Variants in PLEKHD1 observed in about 807,000 individuals in gnomAD.
PLEKHD1 encodes pleckstrin homology domain-containing family D member 1.
PLEKHD1 carries 51 observed loss-of-function variants against 69.2 expected under a neutral mutation model. The observed-to-expected ratio is 0.74, with a 90% CI of 0.59 to 0.93. The LOEUF is 0.93. Among genes scored for constraint, PLEKHD1 ranks in the 40% least tolerant of loss-of-function variants. The probability of loss-of-function intolerance (pLI) is 0.00; values close to 1 mark genes in which losing one functional copy is unlikely to be tolerated. For missense variants in PLEKHD1, 584 were observed against 641.0 expected, an observed-to-expected ratio of 0.91 and a Z score of 0.96; for synonymous variants, 236 against 244.7, an observed-to-expected ratio of 0.96 and a Z score of 0.33.
rs561827841 is a variant in PLEKHD1, at chr14:69,528,475, G to C, written c.*56G>C. 1.1e-5 allele frequency: 16 copies of C among 1,519,056 alleles called. No homozygotes were observed. In the South Asian group the frequency reaches 1.5e-4, roughly 14 times the overall value. 94.1% of individuals were successfully genotyped at this position (1,519,056 alleles called of 1,614,324 possible). A position where few individuals can be genotyped will look rare whatever the true frequency, so the allele number is the denominator to read the frequency against. Reference sequence around the variant, plus strand: ...CCCTGGATGGGCGGGGGAGGGGAAGGGGTGGCAGAGGGAGGCCTCACTCTA... The same window carrying C: ...CCCTGGATGGGCGGGGGAGGGGAAGCGGTGGCAGAGGGAGGCCTCACTCTA... On this transcript the variant is annotated 3_prime_UTR_variant, in exon 13 of 13. Transcript: ENST00000322564.
At chr14:69,528,182 TG>T in intron 12 of PLEKHD1, 67 bp from the exon 13 acceptor site, 1 of 1,526,712 alleles carries the variant, frequency 6.6e-7, no homozygotes, top group Non-Finnish European at 8.9e-7. Flanking sequence ...GGCATGAGGC[TG>T]GGGACAGGGC....
intron 1 of PLEKHD1, among the ~76,000 whole-genome samples, chr14:69,493,111 T>G (rs1169254871): frequency 1.3e-5 from 2 of 152,356 alleles, no homozygotes; most frequent in East Asian, 3.9e-4. Context: ...ACACTCTTTC[T>G]CCTGCTTTTG....
chr14:69,478,679 C>G, the PLEKHD1 span, among the ~76,000 whole-genome samples: 1 of 152,204 alleles, frequency 6.6e-6, no homozygotes. Flanking sequence ...CACCTTTGCT[C>G]CAGTTCCCAA....
At chr14:69,494,678 C>T (rs117727161) in intron 1 of PLEKHD1, among the ~76,000 whole-genome samples, 3,788 of 152,296 alleles carry the variant, frequency 0.025, 102 homozygotes, top group South Asian at 0.14. Context: ...AGACCAACTG[C>T]GCAGGGCCTG....
intron 6 of PLEKHD1, among the ~76,000 whole-genome samples, chr14:69,505,525 A>G (rs1883130888): frequency 6.6e-6 from 1 of 152,178 alleles, no homozygotes; most frequent in African/African-American, 2.4e-5. Context: ...GACTGAAGAT[A>G]TGGAACCAGG....
chr14:69,503,317 C>T (rs1057309679), intron 6 of PLEKHD1: 1 of 216,492 alleles, frequency 4.6e-6, no homozygotes, highest in African/African-American at 2.3e-5. Flanking sequence ...TAAGCACTGG[C>T]TTGAGGCAGA....
In PLEKHD1 at chr14:69,522,273, G is replaced by A; in HGVS notation, c.556-10G>A. 1 of 1,550,988 alleles carries A rather than the reference G, an allele frequency of 6.4e-7. No homozygotes were observed. Among genetic ancestry groups the A allele is most frequent in the African/African-American group, 1.4e-5 (1 of 73,116 alleles). ...CCTGTGACTCTTCTCTTCCTCTCTG[G>A]TCTCTTCAGGAGCTTGAGCGCCTTA... On this transcript the variant is annotated splice_polypyrimidine_tract_variant and intron_variant, in intron 6 of 12. Transcript: ENST00000322564.
chr14:69,512,180 TAG>T (rs1883285698), intron 6 of PLEKHD1, among the ~76,000 whole-genome samples: 1 of 152,230 alleles, frequency 6.6e-6, no homozygotes, highest in Admixed American at 6.5e-5. Context: ...TTTATTGGCA[TAG>T]AGTTATTCAT....
At chr14:69,527,151 C>T (rs1376741245) in intron 10 of PLEKHD1, 37 bp from the exon 11 acceptor site, 2 of 1,501,180 alleles carry the variant, frequency 1.3e-6, no homozygotes, top group Non-Finnish European at 1.8e-6. Context: ...ACTTCCAGGA[C>T]CTGACTTCCT....
chr14:69,508,774 G>T (rs1053285475), intron 6 of PLEKHD1, among the ~76,000 whole-genome samples: 1 of 152,178 alleles, frequency 6.6e-6, no homozygotes, highest in Non-Finnish European at 1.5e-5. Context: ...GAAAGTGGGG[G>T]TGATTATCGG....
chr14:69,513,708 A>G (rs1314620537), intron 6 of PLEKHD1, among the ~76,000 whole-genome samples: 1 of 152,192 alleles, frequency 6.6e-6, no homozygotes, highest in Non-Finnish European at 1.5e-5. Flanking sequence ...TTCCTTATGT[A>G]GATATGAGTT....
At chr14:69,518,336 C>T (rs924999541) in intron 6 of PLEKHD1, among the ~76,000 whole-genome samples, 1 of 152,266 alleles carries the variant, frequency 6.6e-6, no homozygotes, top group East Asian at 1.9e-4. Flanking sequence ...CCACCTCTCC[C>T]GGCCCTGATT....
chr14:69,468,444 A>G, the PLEKHD1 span, among the ~76,000 whole-genome samples: 1 of 152,180 alleles, frequency 6.6e-6, no homozygotes, highest in Non-Finnish European at 1.5e-5. Flanking sequence ...TTTCAACTGT[A>G]ATTATCTCTG....
At chr14:69,522,458 C>G in intron 7 of PLEKHD1, 81 bp downstream of exon 7, 1 of 1,386,560 alleles carries the variant, frequency 7.2e-7, no homozygotes, top group Non-Finnish European at 9.9e-7. Context: ...TCTGAGGAGG[C>G]CTCCACCTCA....
intron 6 of PLEKHD1, among the ~76,000 whole-genome samples, chr14:69,506,940 T>G (rs1394233097): frequency 6.9e-6 from 1 of 145,118 alleles, no homozygotes; most frequent in Non-Finnish European, 1.5e-5. Flanking sequence ...TCTTGCCCTG[T>G]TGCCCATGCT....
At chr14:69,505,637 TAG>T (rs1883135704) in intron 6 of PLEKHD1, among the ~76,000 whole-genome samples, 1 of 152,150 alleles carries the variant, frequency 6.6e-6, no homozygotes, top group African/African-American at 2.4e-5. Flanking sequence ...GATGTCTGAT[TAG>T]AGTTATGCTG....
intron 1 of PLEKHD1, among the ~76,000 whole-genome samples, chr14:69,494,758 G>A (rs1327647269): frequency 2.0e-5 from 3 of 152,230 alleles, no homozygotes; most frequent in African/African-American, 7.2e-5. Context: ...GGAATAGGGT[G>A]GGAAGAGGAA....
At chr14:69,496,728 G>A (rs1346189882) in intron 1 of PLEKHD1, among the ~76,000 whole-genome samples, 46 of 97,052 alleles carry the variant, frequency 4.7e-4, no homozygotes, top group African/African-American at 2.0e-3. Flanking sequence ...TTTTTTTAAT[G>A]TAGAGACAAG....
intron 5 of PLEKHD1, chr14:69,502,577 C>G: frequency 1.9e-6 from 1 of 519,294 alleles, no homozygotes; most frequent in Non-Finnish European, 3.5e-6. Flanking sequence ...GATGCAGAGA[C>G]TGCTTTGAAC....
Sources: gnomAD v4.1 joint callset for allele counts (sites outside exome capture counted in the v4.1 genomes callset) on GRCh38, gnomAD v4.1.1 for gene constraint, MANE v1.5 for transcripts, NCBI Gene and HGNC (gene_info 2026-07-23, HGNC 2026-07-21) for gene names.